Variants in DIAPH3 observed in about 807,000 individuals in gnomAD.
DIAPH3 encodes diaphanous related formin 3.
In DIAPH3, 117 loss-of-function variants were observed where a neutral mutation model predicts 144.3. The ratio of observed to expected loss-of-function variants is 0.81; its 90% CI spans 0.70 to 0.95. DIAPH3 has a LOEUF of 0.95. Among genes scored for constraint, DIAPH3 ranks in the 40% least tolerant of loss-of-function variants. The pLI, the probability that DIAPH3 is intolerant of heterozygous loss-of-function variation, is 0.00. For missense variants in DIAPH3, 1,421 were observed against 1,412.7 expected, an observed-to-expected ratio of 1.01 and a Z score of -0.09; for synonymous variants, 519 against 488.9, an observed-to-expected ratio of 1.06 and a Z score of -0.81.
intron 1 of DIAPH3, among the ~76,000 whole-genome samples, chr13:60,161,219 A>T (rs571555898): frequency 1.3e-5 from 2 of 152,322 alleles, no homozygotes; most frequent in East Asian, 3.9e-4. Flanking sequence ...TGACCTGAAA[A>T]GATTTAGGAT....
intron 25 of DIAPH3, among the ~76,000 whole-genome samples, chr13:59,805,733 A>G (rs898930671): frequency 7.2e-5 from 11 of 152,168 alleles, no homozygotes; most frequent in Admixed American, 5.9e-4. Flanking sequence ...TTTTAACACT[A>G]TAACATGAAA....
intron 25 of DIAPH3, among the ~76,000 whole-genome samples, chr13:59,809,823 T>C (rs2040382057): frequency 6.6e-6 from 1 of 152,212 alleles, no homozygotes; most frequent in African/African-American, 2.4e-5. Flanking sequence ...TCTCTGTCTA[T>C]TCCTGGGGAA....
intron 4 of DIAPH3, among the ~76,000 whole-genome samples, chr13:60,065,912 A>G (rs761151023): frequency 6.6e-6 from 1 of 152,200 alleles, no homozygotes; most frequent in Non-Finnish European, 1.5e-5. Context: ...ATTGTTTTGG[A>G]TGATATATTT....
intron 20 of DIAPH3, among the ~76,000 whole-genome samples, chr13:59,879,864 T>C (rs2044892821): frequency 1.3e-5 from 2 of 152,170 alleles, no homozygotes; most frequent in South Asian, 4.1e-4. Context: ...TTAAAACACA[T>C]TCAGAAAAGT....
At chr13:59,841,403 C>T (rs1361215908) in intron 22 of DIAPH3, among the ~76,000 whole-genome samples, 1 of 150,724 alleles carries the variant, frequency 6.6e-6, no homozygotes, top group Non-Finnish European at 1.5e-5. Context: ...CCAGCCTGGA[C>T]AACAACAAGA....
At chr13:59,732,239 A>C (rs2035923331) in intron 27 of DIAPH3, among the ~76,000 whole-genome samples, 1 of 106,618 alleles carries the variant, frequency 9.4e-6, no homozygotes, top group East Asian at 3.1e-4. Flanking sequence ...CAGTATCTCA[A>C]GTATTTTTTT....
At chr13:59,888,997 CCTTTTATCTTTTTCCTCCCCTCAAGATA>C (rs1338340345) in intron 20 of DIAPH3, among the ~76,000 whole-genome samples, 22 of 151,906 alleles carry the variant, frequency 1.4e-4, no homozygotes, top group African/African-American at 5.3e-4. Context: ...ATGTACTGTG[CCTTTTATCTTTTTCCTCCCCTCAAGATA>C]CTTTTATCAT....
intron 22 of DIAPH3, among the ~76,000 whole-genome samples, chr13:59,842,794 C>T (rs1055542413): frequency 1.3e-5 from 2 of 152,122 alleles, no homozygotes; most frequent in Non-Finnish European, 2.9e-5. Flanking sequence ...AACCCATGAA[C>T]AACCAAACGG....
chr13:59,935,890 G>A (rs1309886725), intron 17 of DIAPH3, among the ~76,000 whole-genome samples: 8 of 152,158 alleles, frequency 5.3e-5, no homozygotes, highest in Admixed American at 5.2e-4. Context: ...AAGAGTAGCT[G>A]AAGCCCTAAA....
intron 22 of DIAPH3, 72 bp from the exon 23 acceptor site, chr13:59,839,520 C>A: frequency 9.3e-6 from 13 of 1,404,930 alleles, no homozygotes; most frequent in Non-Finnish European, 1.3e-5. Context: ...ACCCTAGAAA[C>A]AAAACATTCA....
At position 59,778,605 on chromosome 13, in the gene DIAPH3, T is replaced by G. The variant is rs549078864; in HGVS notation, c.3164-3782A>C. 5.9e-5 allele frequency among the ~76,000 whole-genome samples: 9 copies of G among 152,372 alleles called. No homozygotes were observed. The South Asian group carries it at 1.4e-3, about 25-fold the overall frequency. On this transcript the variant is annotated intron_variant, in intron 25 of 27. Coordinates refer to ENST00000400324, the MANE Select transcript of DIAPH3 (RefSeq NM_001042517.2). Reference sequence around the variant, plus strand: ...GCCACCATTCTAAACAACACAGCTTTCTTTCTTCCTTTTCCCTTGTCTCAT... The same window carrying G: ...GCCACCATTCTAAACAACACAGCTTGCTTTCTTCCTTTTCCCTTGTCTCAT...
chr13:59,973,468 G>A (rs1215498501), intron 15 of DIAPH3, among the ~76,000 whole-genome samples: 1 of 151,866 alleles, frequency 6.6e-6, no homozygotes, highest in African/African-American at 2.4e-5. Flanking sequence ...CCCTCTTGCA[G>A]CACTAAAGAA....
chr13:59,923,098 A>G (rs1728824876), intron 18 of DIAPH3, among the ~76,000 whole-genome samples: 1 of 152,120 alleles, frequency 6.6e-6, no homozygotes, highest in African/African-American at 2.4e-5. Flanking sequence ...TTGAAATCCC[A>G]TGTAGAACAT....
intron 4 of DIAPH3, among the ~76,000 whole-genome samples, chr13:60,083,517 G>A (rs1404048288): frequency 2.6e-5 from 4 of 151,926 alleles, no homozygotes; most frequent in African/African-American, 9.7e-5. Context: ...AGCTGTCTCT[G>A]TGCAGGAAAT....
At chr13:59,881,722 T>G (rs1309606250) in intron 20 of DIAPH3, among the ~76,000 whole-genome samples, 2 of 152,060 alleles carry the variant, frequency 1.3e-5, no homozygotes, top group Non-Finnish European at 2.9e-5. Flanking sequence ...TATGATGTAA[T>G]GCAGAACAAA....
intron 18 of DIAPH3, among the ~76,000 whole-genome samples, chr13:59,917,792 A>G (rs1021839494): frequency 2.7e-5 from 4 of 150,140 alleles, no homozygotes; most frequent in Non-Finnish European, 5.9e-5. Flanking sequence ...CGGGAGGCTG[A>G]AGCAGAAGTA....
At chr13:59,682,404 C>G (rs1174474959) in intron 27 of DIAPH3, among the ~76,000 whole-genome samples, 9 of 152,142 alleles carry the variant, frequency 5.9e-5, no homozygotes, top group Non-Finnish European at 1.0e-4. Flanking sequence ...TCACTGTAGC[C>G]TCAAAATCCT....
intron 14 of DIAPH3, among the ~76,000 whole-genome samples, chr13:59,975,012 C>T (rs1466381241): frequency 2.6e-5 from 4 of 151,774 alleles, no homozygotes; most frequent in Non-Finnish European, 5.9e-5. Flanking sequence ...TTCAAAGTCC[C>T]TAGTGAAATA....
chr13:59,899,203 C>T (rs998255784), intron 20 of DIAPH3, among the ~76,000 whole-genome samples: 5 of 152,142 alleles, frequency 3.3e-5, no homozygotes, highest in Non-Finnish European at 7.3e-5. Context: ...TGCTCTTCAG[C>T]TTGCAGATAG....
Sources: gnomAD v4.1 joint callset for allele counts (sites outside exome capture counted in the v4.1 genomes callset) on GRCh38, gnomAD v4.1.1 for gene constraint, MANE v1.5 for transcripts, NCBI Gene and HGNC (gene_info 2026-07-23, HGNC 2026-07-21) for gene names.